The following CCDC102B variants were observed in gnomAD, a reference collection of about 807,000 sequenced individuals.
The protein encoded by CCDC102B is coiled-coil domain containing 102B, also known as coiled-coil domain-containing protein 102B.
Under a neutral mutation model 57.4 loss-of-function variants are expected in CCDC102B, and 75 were observed. The observed-to-expected ratio is 1.31, with a 90% confidence interval of 1.08 to 1.58. The LOEUF (loss-of-function observed/expected upper bound fraction) is 1.58, where lower values mean the gene tolerates loss of function less well. Ranked by LOEUF, CCDC102B falls within the 40% of genes most tolerant of loss-of-function variation. The pLI is 0.00. For missense variants in CCDC102B, 636 were observed against 582.6 expected (o/e 1.09, Z -0.94); for synonymous variants, 206 against 201.9 (o/e 1.02, Z -0.17).
chr18:68,789,447 C>T (rs1252303717), intron 2 of CCDC102B, among the ~76,000 whole-genome samples: 6 of 152,286 alleles, frequency 3.9e-5, no homozygotes, highest in African/African-American at 1.4e-4. Flanking sequence ...TTTCATTCTC[C>T]CCATCGCTTT....
In CCDC102B at chr18:68,838,982, T is replaced by A. The variant is rs764896728; in HGVS notation, c.827+56T>A. ...AGTCTAAGTTTCAAATCACTTAAAA[T>A]TGTTAATACAGATAGATTGGTCATT... On this transcript the variant is annotated intron_variant, in intron 3 of 7. Coordinates refer to ENST00000360242, the MANE Select transcript of CCDC102B (RefSeq NM_024781.3). The A allele has an allele frequency of 9.0e-6, 12 of 1,340,206 alleles. No homozygotes were observed. In the East Asian group the frequency reaches 1.2e-4, roughly 13 times the overall value. The allele number at this position is 1,340,206 out of a possible 1,614,324, so 83.0% of individuals were successfully genotyped here.
At chr18:68,939,250 G>A (rs1454749973) in intron 6 of CCDC102B, among the ~76,000 whole-genome samples, 1 of 151,658 alleles carries the variant, frequency 6.6e-6, no homozygotes, top group East Asian at 1.9e-4. Flanking sequence ...CCTACCAAAT[G>A]TTTTGCCTTT....
At chr18:68,911,493 C>G (rs768781629) in intron 6 of CCDC102B, among the ~76,000 whole-genome samples, 2 of 150,670 alleles carry the variant, frequency 1.3e-5, no homozygotes, top group African/African-American at 2.5e-5. Context: ...TGGCTCACGC[C>G]TGTAATCCCA....
chr18:68,800,288 A>G (rs1222723348), intron 1 of CCDC102B, among the ~76,000 whole-genome samples: 6 of 152,072 alleles, frequency 3.9e-5, no homozygotes, highest in African/African-American at 1.4e-4. Flanking sequence ...ATCTGGCAGA[A>G]GTCGAGCAGA....
chr18:68,979,520 G>A (rs2050523400), intron 6 of CCDC102B, among the ~76,000 whole-genome samples: 1 of 151,884 alleles, frequency 6.6e-6, no homozygotes, highest in Admixed American at 6.6e-5. Context: ...CTAAAGTAGA[G>A]TTAAATGAAG....
At chr18:69,013,967 A>G (rs184860735) in intron 7 of CCDC102B, among the ~76,000 whole-genome samples, 232 of 152,318 alleles carry the variant, frequency 1.5e-3, no homozygotes, top group African/African-American at 5.1e-3. Context: ...CTCTGAATCT[A>G]TTAGTTTCCT....
chr18:69,011,147 A>G, intron 7 of CCDC102B, 43 bp downstream of exon 7: 2 of 1,504,974 alleles, frequency 1.3e-6, no homozygotes, highest in Middle Eastern at 3.5e-4. Flanking sequence ...GCTTCTAAAT[A>G]GTATTTTAGA....
At chr18:68,862,114 A>T (rs532619308) in intron 4 of CCDC102B, among the ~76,000 whole-genome samples, 40 of 152,324 alleles carry the variant, frequency 2.6e-4, no homozygotes, top group African/African-American at 8.7e-4. Flanking sequence ...ATTTTATTTT[A>T]TCTGAAATAT....
At chr18:68,759,675 T>C (rs577564272) in intron 2 of CCDC102B, among the ~76,000 whole-genome samples, 33 of 152,258 alleles carry the variant, frequency 2.2e-4, no homozygotes, top group African/African-American at 7.2e-4. Flanking sequence ...TATTCATTTA[T>C]TTTTATAAGT....
rs867725233 is a variant in CCDC102B at position 68,790,702 on chromosome 18, C to A, written c.-66-32664C>A. ...CCTGCTTCGGCTCGTGCACGGTGCG[C>A]GCACCCACTGACCTGCGCCCACTGT... On this transcript the variant is annotated intron_variant, in intron 2 of 3. Transcript: ENST00000578970. 1.4e-4 allele frequency among the ~76,000 whole-genome samples: 21 copies of A among 152,204 alleles called. No individual in the cohort carries two copies. The South Asian group carries it at 3.5e-3, about 26-fold the overall frequency.
chr18:68,996,265 A>T (rs751304281), intron 6 of CCDC102B, among the ~76,000 whole-genome samples: 1 of 152,128 alleles, frequency 6.6e-6, no homozygotes, highest in African/African-American at 2.4e-5. Flanking sequence ...TCTGGCCTCC[A>T]TCTTTCTCCC....
At chr18:68,774,164 G>A (rs984686859) in intron 2 of CCDC102B, among the ~76,000 whole-genome samples, 16 of 151,734 alleles carry the variant, frequency 1.1e-4, no homozygotes, top group Admixed American at 3.9e-4. Flanking sequence ...ATCTTTCAAT[G>A]GGAAATGATA....
chr18:69,038,593 A>T (rs2052354346), intron 7 of CCDC102B, among the ~76,000 whole-genome samples: 1 of 151,926 alleles, frequency 6.6e-6, no homozygotes, highest in African/African-American at 2.4e-5. Context: ...CCCATAAGGG[A>T]TCCTTCCTGC....
chr18:68,891,121 A>G (rs2040063413), intron 5 of CCDC102B, among the ~76,000 whole-genome samples: 1 of 152,032 alleles, frequency 6.6e-6, no homozygotes, highest in Non-Finnish European at 1.5e-5. Context: ...GCATGTGGTT[A>G]TTTGCTTTAT....
chr18:68,810,520 T>G (rs994030669), intron 1 of CCDC102B, among the ~76,000 whole-genome samples: 2 of 152,106 alleles, frequency 1.3e-5, no homozygotes, highest in Non-Finnish European at 2.9e-5. Flanking sequence ...AATATCTCTA[T>G]TATTAGCATA....
intron 6 of CCDC102B, among the ~76,000 whole-genome samples, chr18:68,940,291 T>C (rs8091882): frequency 0.13 from 19,112 of 151,866 alleles, 1,553 homozygotes; most frequent in South Asian, 0.27. Flanking sequence ...TAATAATATG[T>C]ATCTCTTAGA....
intron 2 of CCDC102B, among the ~76,000 whole-genome samples, chr18:68,791,613 AGAGT>A (rs1350999301): frequency 1.7e-5 from 2 of 117,656 alleles, no homozygotes; most frequent in African/African-American, 2.9e-5. Flanking sequence ...ATGTGTAAAT[AGAGT>A]GTGTGTATGT....
At chr18:69,036,694 G>T (rs1376385977) in intron 7 of CCDC102B, among the ~76,000 whole-genome samples, 1 of 151,952 alleles carries the variant, frequency 6.6e-6, no homozygotes, top group African/African-American at 2.4e-5. Flanking sequence ...CATGGGATTT[G>T]CATTGTGAAA....
chr18:68,846,635 G>A (rs2037876490), intron 4 of CCDC102B, among the ~76,000 whole-genome samples: 1 of 146,312 alleles, frequency 6.8e-6, no homozygotes, highest in Admixed American at 6.9e-5. Flanking sequence ...ACACATTTGT[G>A]TCAGTTTTAT....
Sources: gnomAD v4.1 joint callset for allele counts (sites outside exome capture counted in the v4.1 genomes callset) on GRCh38, gnomAD v4.1.1 for gene constraint, MANE v1.5 for transcripts, NCBI Gene and HGNC (gene_info 2026-07-23, HGNC 2026-07-21) for gene names.